The following VPS50 variants were observed in gnomAD, a reference collection of about 807,000 sequenced individuals.
VPS50 encodes syndetin.
In VPS50, 70 loss-of-function variants were observed where a neutral mutation model predicts 139.7. That is an observed-to-expected ratio of 0.50 (90% CI 0.41 to 0.61). The LOEUF (loss-of-function observed/expected upper bound fraction) is 0.61, where lower values mean the gene tolerates loss of function less well. Ranked by LOEUF, VPS50 falls within the 20% of genes least tolerant of loss-of-function variation. The pLI is 0.00. For missense variants in VPS50, 921 were observed against 1,133.7 expected (o/e 0.81, Z 2.69); for synonymous variants, 365 against 376.7 (o/e 0.97, Z 0.36).
At chr7:93,254,401 T>C (rs1182605364) in intron 4 of VPS50, among the ~76,000 whole-genome samples, 2 of 152,144 alleles carry the variant, frequency 1.3e-5, no homozygotes, top group African/African-American at 4.8e-5. Flanking sequence ...TCCTGAGTAG[T>C]TGGGATTACA....
At chr7:93,250,501 A>C (rs1406112724) in intron 2 of VPS50, among the ~76,000 whole-genome samples, 4 of 152,140 alleles carry the variant, frequency 2.6e-5, no homozygotes, top group Non-Finnish European at 5.9e-5. Context: ...AGCCATATGC[A>C]GAAAGCTGGA....
chr7:93,285,274 G>C (rs984666894), intron 12 of VPS50, among the ~76,000 whole-genome samples: 10 of 152,068 alleles, frequency 6.6e-5, no homozygotes, highest in Non-Finnish European at 1.3e-4. Flanking sequence ...TGTTTGTTAG[G>C]ATGTGATTAG....
chr7:93,287,216 A>G (rs891950433), intron 12 of VPS50, among the ~76,000 whole-genome samples: 11 of 152,072 alleles, frequency 7.2e-5, no homozygotes, highest in Non-Finnish European at 1.3e-4. Flanking sequence ...TTTGGGAGAC[A>G]TTTAGGTATG....
At chr7:93,261,025 G>A (rs574733221) in intron 9 of VPS50, among the ~76,000 whole-genome samples, 2 of 152,256 alleles carry the variant, frequency 1.3e-5, no homozygotes, top group South Asian at 4.1e-4. Context: ...GTGATTAACT[G>A]TCATTAGTAG....
rs943290597 is a variant in VPS50, at chr7:93,328,743, G to A, written c.1977+5011G>A. ...CACAAGAAAACCTGAAGTTTTTATG[G>A]ACTGGAGAATCAGAAAAGTGGAGCT... On this transcript the variant is annotated intron_variant, in intron 21 of 27. Transcript: ENST00000305866. Among the ~76,000 whole-genome samples the A allele has an allele frequency of 9.9e-5, 15 of 152,168 alleles. 1 individual carries two copies. Among genetic ancestry groups the A allele is most frequent in the East Asian group, 1.9e-4 (1 of 5,196 alleles).
intron 9 of VPS50, among the ~76,000 whole-genome samples, chr7:93,265,669 A>AT (rs1163333741): frequency 3.3e-5 from 5 of 152,136 alleles, no homozygotes; most frequent in African/African-American, 1.2e-4. Context: ...GATTCAAGTG[A>AT]TTCTCCTGCC....
At chr7:93,334,917 C>G (rs184659931) in intron 22 of VPS50, among the ~76,000 whole-genome samples, 1 of 152,308 alleles carries the variant, frequency 6.6e-6, no homozygotes, top group East Asian at 1.9e-4. Flanking sequence ...ACTTTAACCC[C>G]AGGCTTCTCT....
intron 1 of VPS50, among the ~76,000 whole-genome samples, chr7:93,234,169 C>T (rs1794728404): frequency 6.6e-6 from 1 of 152,182 alleles, no homozygotes; most frequent in South Asian, 2.1e-4. Context: ...AGTTTGTTGC[C>T]TGCCATACAG....
intron 20 of VPS50, among the ~76,000 whole-genome samples, chr7:93,315,427 C>T (rs1797397691): frequency 6.6e-6 from 1 of 152,092 alleles, no homozygotes; most frequent in Admixed American, 6.5e-5. Context: ...TACTTCCTCT[C>T]GCTGGATCAA....
At chr7:93,286,184 C>G (rs890385265) in intron 12 of VPS50, among the ~76,000 whole-genome samples, 4 of 152,014 alleles carry the variant, frequency 2.6e-5, no homozygotes, top group African/African-American at 9.7e-5. Context: ...ATTTCGATTT[C>G]TTATCTATTC....
At chr7:93,348,895 G>A in intron 24 of VPS50, 88 bp downstream of exon 24, 1 of 876,468 alleles carries the variant, frequency 1.1e-6, no homozygotes, top group South Asian at 1.5e-5. Context: ...TTTTTTAACT[G>A]GAAGTCAGTC....
At chr7:93,323,584 T>C (rs1454424098) in intron 20 of VPS50, 27 bp from the exon 21 acceptor site, 1 of 1,059,602 alleles carries the variant, frequency 9.4e-7, no homozygotes, top group Admixed American at 2.9e-5. Flanking sequence ...TTGTTCTGCT[T>C]AATTTTTTAT....
chr7:93,280,895 C>G (rs1195407118), intron 12 of VPS50, among the ~76,000 whole-genome samples: 1 of 151,892 alleles, frequency 6.6e-6, no homozygotes, highest in Non-Finnish European at 1.5e-5. Context: ...TATACTCTCT[C>G]TGTATATATA....
At chr7:93,274,833 G>A (rs1234086230) in intron 11 of VPS50, among the ~76,000 whole-genome samples, 1 of 152,138 alleles carries the variant, frequency 6.6e-6, no homozygotes, top group African/African-American at 2.4e-5. Flanking sequence ...TGATTCCTCT[G>A]CTGGATCTCA....
Position 93,341,563 on chromosome 7 carries a change from C to A in VPS50, c.2195C>A (p.Ala732Asp). ...TLYGLAERVVATESLVFLAEQ... is the reference protein window; with the variant it reads ...TLYGLAERVVDTESLVFLAEQ... ...TATGGGTTGGCAGAAAGAGTGGTAG[C>A]CACGGAATCCTTGTAAGTTGTTCAA... The change falls in exon 23 of 28, where the codon GCC becomes GAC. Residue 732 changes from alanine (A) to aspartate (D), a missense_variant. Coordinates refer to ENST00000305866, the MANE Select transcript of VPS50 (RefSeq NM_017667.4). 6.2e-7 allele frequency: 1 copy of A among 1,603,698 alleles called. No individual in the cohort carries two copies. Among genetic ancestry groups the A allele is most frequent in the Non-Finnish European group, 8.5e-7 (1 of 1,176,122 alleles).
At chr7:93,338,530 G>T (rs1013999306) in intron 22 of VPS50, among the ~76,000 whole-genome samples, 1 of 152,120 alleles carries the variant, frequency 6.6e-6, no homozygotes, top group Admixed American at 6.6e-5. Flanking sequence ...CACTATATAT[G>T]GTGCCAAGCA....
chr7:93,348,768 T>G lies in VPS50; in HGVS notation c.2265T>G (p.Pro755=). 2 of 1,613,624 alleles carry G rather than the reference T, an allele frequency of 1.2e-6. No individual in the cohort carries two copies. The highest frequency in any genetic ancestry group is 1.7e-6 in the Non-Finnish European group (2 of 1,179,632). ...FLQPHLDAVM[P]AVKKPFLQQF... ...AGCCACATCTGGATGCTGTGATGCC[T>G]GCAGTCAAAAAGCCCTTTCTTCAGC... The change falls in exon 24 of 28, where the codon CCT becomes CCG. Residue 755 remains proline (P), a synonymous_variant. Coordinates refer to ENST00000305866, the MANE Select transcript of VPS50 (RefSeq NM_017667.4).
intron 4 of VPS50, among the ~76,000 whole-genome samples, chr7:93,254,927 A>G (rs1332356706): frequency 6.6e-6 from 1 of 152,118 alleles, no homozygotes; most frequent in Non-Finnish European, 1.5e-5. Context: ...CTTTTCTATT[A>G]CACTCAGAAG....
chr7:93,257,786 T>C (rs1562854192), intron 6 of VPS50: 1 of 241,950 alleles, frequency 4.1e-6, no homozygotes, highest in Non-Finnish European at 7.8e-6. Context: ...AAAAATGCAG[T>C]AAAAACAAAT....
Sources: gnomAD v4.1 joint callset for allele counts (sites outside exome capture counted in the v4.1 genomes callset) on GRCh38, gnomAD v4.1.1 for gene constraint, MANE v1.5 for transcripts, NCBI Gene and HGNC (gene_info 2026-07-23, HGNC 2026-07-21) for gene names.